NAP1L4: variants seen among roughly 807,000 people sequenced by gnomAD.
NAP1L4 encodes the protein nucleosome assembly protein 1-like 4.
NAP1L4 carries 15 observed loss-of-function variants against 58.2 expected under a neutral mutation model. That is an observed-to-expected ratio of 0.26 (90% CI 0.17 to 0.40). The LOEUF (loss-of-function observed/expected upper bound fraction) is 0.40, where lower values mean the gene tolerates loss of function less well. NAP1L4 is among the 10% of genes least tolerant of loss of function. The pLI is 1.00. For missense variants in NAP1L4, 384 were observed against 451.1 expected (o/e 0.85, Z 1.35); for synonymous variants, 171 against 155.6 (o/e 1.10, Z -0.74).
At chr11:2,960,133 T>A in intron 8 of NAP1L4, 1 of 476,824 alleles carries the variant, frequency 2.1e-6, no homozygotes, top group Non-Finnish European at 3.8e-6. Context: ...AAGGGGCATG[T>A]TCCCCCTCCA....
chr11:2,953,205 G>A (rs938878346), intron 12 of NAP1L4, among the ~76,000 whole-genome samples: 4 of 152,184 alleles, frequency 2.6e-5, no homozygotes, highest in Non-Finnish European at 4.4e-5. Flanking sequence ...TGAATGAAAC[G>A]CACATGTACT....
chr11:2,974,077 A>C (rs1011077392), intron 4 of NAP1L4, among the ~76,000 whole-genome samples: 1 of 152,228 alleles, frequency 6.6e-6, no homozygotes, highest in Admixed American at 6.5e-5. Flanking sequence ...TAATTATACA[A>C]TTTTAAATTA....
intron 15 of NAP1L4, 48 bp from the exon 16 acceptor site, chr11:2,945,694 T>C (rs2133884651): frequency 6.8e-7 from 1 of 1,465,468 alleles, no homozygotes; most frequent in East Asian, 2.5e-5. Flanking sequence ...CCAGCTCCAT[T>C]CACCAATTAG....
chr11:2,962,553 A>C (rs1312261581), intron 8 of NAP1L4, among the ~76,000 whole-genome samples: 3 of 152,244 alleles, frequency 2.0e-5, no homozygotes, highest in African/African-American at 7.2e-5. Context: ...AAGGAAAAAG[A>C]GTATGGGGAA....
chr11:2,972,896 G>A (rs1432211339), intron 4 of NAP1L4, among the ~76,000 whole-genome samples: 2 of 152,108 alleles, frequency 1.3e-5, no homozygotes, highest in African/African-American at 4.8e-5. Flanking sequence ...ACTTGAGTCT[G>A]TGAGGTCAAG....
In NAP1L4 at chr11:2,971,941, T is replaced by C. The variant is rs1384197828; in HGVS notation, c.315+161A>G. ...GATTTTGCCTGACTGCAGGCTAATG[T>C]TAGCGTTCTGAGCTTGTTTAAGGTA... On this transcript the variant is annotated intron_variant, in intron 5 of 15. Transcript: ENST00000380542. This position sits in a 1 kb window ranked among gnomAD's most constrained non-coding sequence, Gnocchi z 4.2. Among the ~76,000 whole-genome samples, 1 of 152,250 alleles carries C rather than the reference T, an allele frequency of 6.6e-6. No homozygotes were observed. Among genetic ancestry groups the C allele is most frequent in the Non-Finnish European group, 1.5e-5 (1 of 68,036 alleles).
intron 1 of NAP1L4, among the ~76,000 whole-genome samples, chr11:2,980,239 G>A (rs945243496): frequency 3.3e-5 from 5 of 152,220 alleles, no homozygotes; most frequent in Non-Finnish European, 5.9e-5. Flanking sequence ...CAAGGCTGCA[G>A]TGTAGTGATG....
intron 5 of NAP1L4, 35 bp downstream of exon 5, chr11:2,972,067 A>T: frequency 6.7e-7 from 1 of 1,496,160 alleles, no homozygotes; most frequent in Non-Finnish European, 8.9e-7. Context: ...GTAAGCTGAA[A>T]ACTATCTGTA....
chr11:2,959,810 G>C lies in NAP1L4; in HGVS notation c.706C>G (p.Pro236Ala). Residue 236 changes from proline (P) to alanine (A), a missense_variant, in exon 9 of 16, where the codon CCC becomes GCC. Coordinates refer to ENST00000380542, the MANE Select transcript of NAP1L4 (RefSeq NM_005969.4). The surrounding 1 kb of genome is among the most constrained non-coding windows in gnomAD (Gnocchi z 4.9). The part of the protein sequence containing the change: ...KMKSEPDKAD[P>A]FSFEGPEIVD... ...ATCTCAGGACCTTCAAAGGAAAAGG[G>C]ATCAGCCTTATCTGGTTCTGATTTC... is the stretch of plus-strand genomic sequence containing the variant. 6.2e-7 allele frequency: 1 copy of C among 1,614,162 alleles called. No individual in the cohort carries two copies. The highest frequency in any genetic ancestry group is 1.3e-5 in the African/African-American group (1 of 75,054).
intron 7 of NAP1L4, among the ~76,000 whole-genome samples, chr11:2,968,032 A>C (rs1439414113): frequency 2.6e-5 from 4 of 152,096 alleles, no homozygotes; most frequent in African/African-American, 9.7e-5. Flanking sequence ...CTGCACCCCC[A>C]ATCCCACGTG....
chr11:2,991,024 C>A, intron 1 of NAP1L4: 3 of 446,726 alleles, frequency 6.7e-6, no homozygotes, highest in South Asian at 4.7e-5. Context: ...CGGGTTACTA[C>A]AGGAAAAAGT....
At position 2,946,311 on chromosome 11, in the gene NAP1L4, G is replaced by A. The variant is rs367584289; in HGVS notation, c.*33-665C>T. 8.6e-5 allele frequency among the ~76,000 whole-genome samples: 13 copies of A among 152,014 alleles called. No homozygotes were observed. Among genetic ancestry groups the A allele is most frequent in the African/African-American group, 2.7e-4 (11 of 41,346 alleles). ...GGGGCAATGCTATCCTTCCAGTAAC[G>A]GCATCCGGGACACAAAATTCCCCTC... is the stretch of plus-strand genomic sequence containing the variant. On this transcript the variant is annotated intron_variant, in intron 15 of 15. Transcript: ENST00000380542. This position sits in a 1 kb window ranked among gnomAD's most constrained non-coding sequence, Gnocchi z 4.8.
intron 1 of NAP1L4, among the ~76,000 whole-genome samples, chr11:2,985,599 C>T (rs1431915727): frequency 6.6e-6 from 1 of 152,154 alleles, no homozygotes; most frequent in African/African-American, 2.4e-5. Flanking sequence ...AATCAGTATA[C>T]CACCTAATGT....
intron 10 of NAP1L4, among the ~76,000 whole-genome samples, chr11:2,956,961 A>G (rs1313786155): frequency 6.6e-6 from 1 of 152,146 alleles, no homozygotes; most frequent in African/African-American, 2.4e-5. Context: ...AAGTGGCTTT[A>G]CTGATGGGAT....
intron 9 of NAP1L4, 87 bp from the exon 10 acceptor site, chr11:2,958,631 T>TG: frequency 7.3e-7 from 1 of 1,376,936 alleles, no homozygotes; most frequent in South Asian, 1.4e-5. Flanking sequence ...CACAGCTCTA[T>TG]GCCAAACCTG....
chr11:2,985,149 T>C (rs1168358037), intron 1 of NAP1L4, among the ~76,000 whole-genome samples: 1 of 152,232 alleles, frequency 6.6e-6, no homozygotes, highest in African/African-American at 2.4e-5. Context: ...GGTGTGAAAT[T>C]TTCCACTTGT....
intron 9 of NAP1L4, chr11:2,958,803 T>A (rs1427097542): frequency 2.1e-6 from 1 of 487,078 alleles, no homozygotes; most frequent in African/African-American, 1.9e-5. Flanking sequence ...AGACATTTCA[T>A]CAGGACTCTG....
Position 2,972,157 on chromosome 11 carries a change from T to TC in NAP1L4, c.259dup (p.Glu87GlyfsTer4). The TC allele has an allele frequency of 6.2e-7, 1 of 1,607,092 alleles. No homozygotes were observed. Among genetic ancestry groups the TC allele is most frequent in the Non-Finnish European group, 8.5e-7 (1 of 1,178,042 alleles). The stretch of plus-strand genomic sequence containing the variant: ...ATACTTTCTTTCCAAGTCATGTACC[T>TC]CTTCATAGAACTTGGCTTCTATGTG... On this transcript the variant is annotated frameshift_variant, in exon 5 of 16. Coordinates refer to ENST00000380542, the MANE Select transcript of NAP1L4 (RefSeq NM_005969.4). LOFTEE classifies it high-confidence loss of function.
In NAP1L4 at chr11:2,948,221, C is replaced by T. The variant is rs921289424; in HGVS notation, c.*32+1006G>A. Among the ~76,000 whole-genome samples the T allele has an allele frequency of 4.6e-5, 7 of 152,170 alleles. No homozygotes were observed. The highest frequency in any genetic ancestry group is 7.3e-5 in the Non-Finnish European group (5 of 68,036). ...ACAAAATCGTTCCAAGAGCTGCATC[C>T]GCCCTATGTACCATCAGTTTCCCAT... is the stretch of plus-strand genomic sequence containing the variant. On this transcript the variant is annotated intron_variant, in intron 15 of 15. Coordinates refer to ENST00000380542, the MANE Select transcript of NAP1L4 (RefSeq NM_005969.4). This position sits in a 1 kb window ranked among gnomAD's most constrained non-coding sequence, Gnocchi z 5.1.
Sources: allele counts gnomAD v4.1 joint callset (sites outside exome capture counted in the v4.1 genomes callset), GRCh38; gene constraint gnomAD v4.1.1; non-coding constraint Gnocchi (gnomAD v3.1); transcripts MANE v1.5; gene names NCBI Gene and HGNC (gene_info 2026-07-23, HGNC 2026-07-21).